PCSK5: variants seen among roughly 807,000 people sequenced by gnomAD.
PCSK5 encodes the protein prohormone convertase 5.
PCSK5 carries 129 observed loss-of-function variants against 233.2 expected under a neutral mutation model. The ratio of observed to expected loss-of-function variants is 0.55; its 90% CI spans 0.48 to 0.64. The LOEUF (loss-of-function observed/expected upper bound fraction) is 0.64. Among genes scored for constraint, PCSK5 ranks in the 30% least tolerant of loss-of-function variants. PCSK5 has a pLI of 0.00. For synonymous variants in PCSK5, 825 were observed against 879.2 expected, an observed-to-expected ratio of 0.94 and a Z score of 1.09; for missense variants, 2,076 against 2,430.1, an observed-to-expected ratio of 0.85 and a Z score of 3.06.
intron 25 of PCSK5, among the ~76,000 whole-genome samples, chr9:76,294,578 C>G (rs2842481): frequency 0.55 from 83,046 of 151,908 alleles, 23,727 homozygotes; most frequent in African/African-American, 0.71. Flanking sequence ...TTAGCTAGCT[C>G]TGTGATTTTT....
At chr9:75,985,445 T>A (rs1411788375) in intron 2 of PCSK5, among the ~76,000 whole-genome samples, 1 of 152,066 alleles carries the variant, frequency 6.6e-6, no homozygotes, top group Non-Finnish European at 1.5e-5. Flanking sequence ...GGGCTAGGGA[T>A]TTGGTTTTTC....
At chr9:76,218,980 T>G (rs1825635269) in intron 20 of PCSK5, among the ~76,000 whole-genome samples, 1 of 152,220 alleles carries the variant, frequency 6.6e-6, no homozygotes. Context: ...AGAGGCATCC[T>G]GGGTGCCGCA....
chr9:76,318,986 A>T (rs1472889708), intron 30 of PCSK5, among the ~76,000 whole-genome samples: 8 of 152,212 alleles, frequency 5.3e-5, no homozygotes, highest in African/African-American at 1.9e-4. Context: ...CAAATTCACA[A>T]GAATATGAAC....
intron 22 of PCSK5, 123 bp downstream of exon 22, chr9:76,233,719 A>C: frequency 1.2e-6 from 1 of 849,822 alleles, no homozygotes; most frequent in Non-Finnish European, 1.9e-6. Flanking sequence ...ACAGCTGTTC[A>C]CTGGAGAGCG....
intron 3 of PCSK5, among the ~76,000 whole-genome samples, chr9:75,999,119 G>A (rs1218567342): frequency 2.0e-5 from 3 of 152,018 alleles, no homozygotes; most frequent in Non-Finnish European, 1.5e-5. Context: ...ATGCAGGTTT[G>A]TTACATAGGT....
intron 26 of PCSK5, among the ~76,000 whole-genome samples, chr9:76,296,456 T>A (rs1828440128): frequency 6.6e-6 from 1 of 152,056 alleles, no homozygotes; most frequent in Non-Finnish European, 1.5e-5. Context: ...GGCAGGAGAA[T>A]TGCTTGAACC....
chr9:76,344,797 G>A (rs1252497127), intron 35 of PCSK5, among the ~76,000 whole-genome samples: 1 of 152,112 alleles, frequency 6.6e-6, no homozygotes, highest in Non-Finnish European at 1.5e-5. Context: ...TTGTGCAGTG[G>A]GCGGCGCAGT....
chr9:75,932,548 ACACT>A (rs1823859239), intron 2 of PCSK5, 65 bp downstream of exon 2: 1 of 927,128 alleles, frequency 1.1e-6, no homozygotes, highest in African/African-American at 1.6e-5. Context: ...TGGTAATAAC[ACACT>A]AGGGGCTGAG....
intron 5 of PCSK5, among the ~76,000 whole-genome samples, chr9:76,029,287 C>G (rs1828558012): frequency 6.6e-6 from 1 of 151,984 alleles, no homozygotes; most frequent in Admixed American, 6.6e-5. Context: ...GAGTGCAATT[C>G]CCAGTTTTAA....
In PCSK5 at chr9:76,184,519, A is replaced by G. The variant is rs1824013682; in HGVS notation, c.2198-154A>G. Among the ~76,000 whole-genome samples the G allele has an allele frequency of 1.3e-5, 2 of 152,380 alleles. 1 individual carries two copies. The highest frequency in any genetic ancestry group is 6.8e-3 in the Middle Eastern group (2 of 292). On this transcript the variant is annotated intron_variant, in intron 16 of 37. Transcript: ENST00000674117. Reference sequence around the variant, plus strand: ...CTGTCTGTACTTGGTTTGCTGAGAAATGATAACAAATAGTGATTCTGTGGC... The same window carrying G: ...CTGTCTGTACTTGGTTTGCTGAGAAGTGATAACAAATAGTGATTCTGTGGC...
At chr9:75,971,405 T>C (rs1208873806) in intron 2 of PCSK5, among the ~76,000 whole-genome samples, 1 of 152,226 alleles carries the variant, frequency 6.6e-6, no homozygotes, top group Non-Finnish European at 1.5e-5. Flanking sequence ...CGCATGTATG[T>C]ATCTTTATAA....
chr9:75,914,064 A>T (rs1456853489), intron 1 of PCSK5, among the ~76,000 whole-genome samples: 1 of 152,216 alleles, frequency 6.6e-6, no homozygotes, highest in Non-Finnish European at 1.5e-5. Flanking sequence ...GAGGAAATAA[A>T]GAAAAATGAA....
At chr9:76,322,980 T>C in intron 31 of PCSK5, 72 bp from the exon 32 acceptor site, 1 of 806,068 alleles carries the variant, frequency 1.2e-6, no homozygotes, top group Non-Finnish European at 2.0e-6. Context: ...AGGGAGGAGC[T>C]AGCCTACTGC....
chr9:76,141,348 C>CA (rs760836278), intron 10 of PCSK5, among the ~76,000 whole-genome samples: 3 of 152,090 alleles, frequency 2.0e-5, no homozygotes, highest in Non-Finnish European at 2.9e-5. Context: ...TTATTTAAAA[C>CA]AAAAAAATTC....
At chr9:76,021,645 C>T (rs1452784286) in intron 3 of PCSK5, among the ~76,000 whole-genome samples, 1 of 152,108 alleles carries the variant, frequency 6.6e-6, no homozygotes, top group South Asian at 2.1e-4. Context: ...AACATGGGTG[C>T]ACCCTTTCTT....
intron 3 of PCSK5, among the ~76,000 whole-genome samples, chr9:76,006,492 G>A (rs1356655618): frequency 6.6e-6 from 1 of 151,768 alleles, no homozygotes; most frequent in Non-Finnish European, 1.5e-5. Flanking sequence ...TCTATATTTG[G>A]TTTGTCAGCT....
chr9:76,336,553 A>G (rs1340868368), intron 34 of PCSK5, among the ~76,000 whole-genome samples: 1 of 152,190 alleles, frequency 6.6e-6, no homozygotes, highest in Non-Finnish European at 1.5e-5. Flanking sequence ...AGCTCAAATC[A>G]TATTGTCTCA....
At chr9:76,318,046 A>T (rs1167282651) in intron 30 of PCSK5, among the ~76,000 whole-genome samples, 1 of 152,176 alleles carries the variant, frequency 6.6e-6, no homozygotes, top group African/African-American at 2.4e-5. Context: ...ATAGGTACCT[A>T]TGACATCAGA....
chr9:76,321,273 C>T, intron 30 of PCSK5, 149 bp from the exon 31 acceptor site: 2 of 582,460 alleles, frequency 3.4e-6, no homozygotes, highest in East Asian at 2.9e-5. Context: ...TCTGAATGTT[C>T]TTTTCACTTC....
Sources: gnomAD v4.1 joint callset for allele counts (sites outside exome capture counted in the v4.1 genomes callset) on GRCh38, gnomAD v4.1.1 for gene constraint, MANE v1.5 for transcripts, NCBI Gene and HGNC (gene_info 2026-07-23, HGNC 2026-07-21) for gene names.